The following RASEF variants were observed in gnomAD, a reference collection of about 807,000 sequenced individuals.
RASEF encodes the protein RAS and EF-hand domain containing, also known as ras and EF-hand domain-containing protein.
Under a neutral mutation model 90.1 loss-of-function variants are expected in RASEF, and 68 were observed. The observed-to-expected ratio is 0.75, with a 90% CI of 0.62 to 0.92. The LOEUF is 0.92. Ranked by LOEUF, RASEF falls within the 40% of genes least tolerant of loss-of-function variation. The probability of loss-of-function intolerance (pLI) is 0.00; values close to 1 mark genes in which losing one functional copy is unlikely to be tolerated. For synonymous variants in RASEF, 331 were observed against 345.2 expected, an observed-to-expected ratio of 0.96 and a Z score of 0.46; for missense variants, 949 against 937.2, an observed-to-expected ratio of 1.01 and a Z score of -0.16.
At chr9:82,996,897 C>G in intron 14 of RASEF, 115 bp downstream of exon 14, 1 of 654,270 alleles carries the variant, frequency 1.5e-6, no homozygotes, top group South Asian at 1.8e-5. Context: ...TTCCTGATGG[C>G]TTGGATCAAT....
intron 5 of RASEF, among the ~76,000 whole-genome samples, chr9:83,010,876 C>T (rs1038839883): frequency 1.3e-5 from 2 of 151,974 alleles, no homozygotes; most frequent in Non-Finnish European, 2.9e-5. Context: ...CCTACACCAG[C>T]TACCTTAAGT....
chr9:83,123,868 TG>T, the RASEF span, among the ~76,000 whole-genome samples: 1 of 152,254 alleles, frequency 6.6e-6, no homozygotes, highest in African/African-American at 2.4e-5. Flanking sequence ...TGGCATTAAG[TG>T]CAATCACACT....
At chr9:83,097,502 C>T in the RASEF span, among the ~76,000 whole-genome samples, 1 of 152,168 alleles carries the variant, frequency 6.6e-6, no homozygotes, top group Admixed American at 6.5e-5. Context: ...GCAATCTACT[C>T]ATCTGACAAA....
chr9:83,002,800 T>C (rs536443474), intron 9 of RASEF, among the ~76,000 whole-genome samples: 7 of 152,220 alleles, frequency 4.6e-5, no homozygotes, highest in Admixed American at 1.3e-4. Context: ...AGACTCTAAA[T>C]TGAAAATATA....
chr9:83,074,364 G>A, the RASEF span, among the ~76,000 whole-genome samples: 765 of 152,276 alleles, frequency 5.0e-3, 2 homozygotes, highest in Middle Eastern at 6.8e-3. Flanking sequence ...CATCAAACTT[G>A]AGAATTACAA....
intron 15 of RASEF, 148 bp downstream of exon 15, chr9:82,992,758 T>G (rs1587478265): frequency 1.4e-6 from 1 of 704,808 alleles, no homozygotes. Flanking sequence ...GTCATGGCAG[T>G]TTTGCCTGTG....
chr9:83,168,468 C>G, the RASEF span, among the ~76,000 whole-genome samples: 1 of 151,890 alleles, frequency 6.6e-6, no homozygotes, highest in Non-Finnish European at 1.5e-5. Context: ...TTGGGATATC[C>G]ATCACCTCAT....
At chr9:83,043,054 G>A (rs949183422) in intron 1 of RASEF, among the ~76,000 whole-genome samples, 24 of 152,264 alleles carry the variant, frequency 1.6e-4, no homozygotes, top group South Asian at 8.3e-4. Context: ...GAGTTAGCAC[G>A]GAAAGCTTCA....
the RASEF span, among the ~76,000 whole-genome samples, chr9:83,125,589 C>T: frequency 7.9e-5 from 12 of 152,212 alleles, no homozygotes; most frequent in East Asian, 2.1e-3. Context: ...CTTATTTTGT[C>T]ATATATCATT....
chr9:83,006,625 C>A (rs998042070), intron 7 of RASEF, among the ~76,000 whole-genome samples: 1 of 152,032 alleles, frequency 6.6e-6, no homozygotes, highest in African/African-American at 2.4e-5. Flanking sequence ...TGGGGAAGAC[C>A]TTCAGAGGAT....
At chr9:83,186,689 T>C in the RASEF span, among the ~76,000 whole-genome samples, 1 of 152,124 alleles carries the variant, frequency 6.6e-6, no homozygotes, top group Admixed American at 6.6e-5. Flanking sequence ...TTTCCTAGCC[T>C]ACCTTGTAAA....
chr9:83,214,662 C>T, the RASEF span, among the ~76,000 whole-genome samples: 1 of 152,084 alleles, frequency 6.6e-6, no homozygotes, highest in Admixed American at 6.5e-5. Flanking sequence ...TGCTGTTCTC[C>T]TGATAGTGAA....
chr9:83,028,231 C>T (rs1482235882), intron 1 of RASEF, among the ~76,000 whole-genome samples: 3 of 152,300 alleles, frequency 2.0e-5, no homozygotes, highest in Admixed American at 6.5e-5. Flanking sequence ...TCACCTCCAA[C>T]GTTTGGATAA....
the RASEF span, among the ~76,000 whole-genome samples, chr9:83,184,851 G>C: frequency 3.3e-5 from 5 of 152,150 alleles, no homozygotes; most frequent in African/African-American, 1.2e-4. Context: ...TGGTTGATTG[G>C]CAGGTTACTA....
chr9:83,123,492 G>A, the RASEF span, among the ~76,000 whole-genome samples: 11 of 152,160 alleles, frequency 7.2e-5, no homozygotes, highest in Non-Finnish European at 1.0e-4. Context: ...ACCCTTCCCT[G>A]GTTAATCCTC....
intron 4 of RASEF, among the ~76,000 whole-genome samples, chr9:83,013,479 G>A (rs1829286057): frequency 6.6e-6 from 1 of 152,212 alleles, no homozygotes; most frequent in African/African-American, 2.4e-5. Context: ...TGACTTCAGA[G>A]AAGAAAAACC....
intron 1 of RASEF, among the ~76,000 whole-genome samples, chr9:83,039,683 T>C (rs748160334): frequency 6.6e-6 from 1 of 152,212 alleles, no homozygotes; most frequent in Non-Finnish European, 1.5e-5. Context: ...CGCACCAGCA[T>C]GCACCAGTCT....
At chr9:83,133,034 T>A in the RASEF span, among the ~76,000 whole-genome samples, 1 of 152,212 alleles carries the variant, frequency 6.6e-6, no homozygotes, top group African/African-American at 2.4e-5. Flanking sequence ...GTTCTTCCAA[T>A]GGGCTTAACA....
At chr9:83,006,976 C>T (rs1829144770) in intron 7 of RASEF, among the ~76,000 whole-genome samples, 1 of 151,932 alleles carries the variant, frequency 6.6e-6, no homozygotes, top group South Asian at 2.1e-4. Context: ...TGCCTGTAGT[C>T]CCAGCTACTC....
Sources: allele counts gnomAD v4.1 joint callset (sites outside exome capture counted in the v4.1 genomes callset), GRCh38; gene constraint gnomAD v4.1.1; transcripts MANE v1.5; gene names NCBI Gene and HGNC (gene_info 2026-07-23, HGNC 2026-07-21).